The following TESC variants were observed in gnomAD, a reference collection of about 807,000 sequenced individuals.
The protein encoded by TESC is calcineurin B homologous protein 3.
In TESC, 19 loss-of-function variants were observed where a neutral mutation model predicts 31.0. The observed-to-expected ratio is 0.61, with a 90% CI of 0.43 to 0.90. TESC has a LOEUF of 0.90. Among genes scored for constraint, TESC ranks in the 40% least tolerant of loss-of-function variants. The pLI is 0.00. For missense variants in TESC, 248 were observed against 303.8 expected (o/e 0.82, Z 1.36); for synonymous variants, 109 against 114.8 (o/e 0.95, Z 0.32).
intron 6 of TESC, among the ~76,000 whole-genome samples, chr12:117,045,741 G>A (rs562289185): frequency 3.3e-5 from 5 of 152,332 alleles, no homozygotes; most frequent in African/African-American, 1.2e-4. Context: ...AAGCCGTCAG[G>A]GTGTCTAGAG....
chr12:117,047,777 T>C (rs1194684045), intron 4 of TESC, among the ~76,000 whole-genome samples: 2 of 152,064 alleles, frequency 1.3e-5, no homozygotes, highest in East Asian at 3.9e-4. Flanking sequence ...GGTCTCACTC[T>C]GTCGCACAGG....
At chr12:117,095,929 A>T (rs1178846443) in intron 1 of TESC, among the ~76,000 whole-genome samples, 1 of 152,078 alleles carries the variant, frequency 6.6e-6, no homozygotes, top group East Asian at 1.9e-4. Context: ...AGGCTTGGGG[A>T]TCCCATGATC....
intron 1 of TESC, among the ~76,000 whole-genome samples, chr12:117,092,367 G>A (rs1210334496): frequency 6.6e-6 from 1 of 152,216 alleles, no homozygotes; most frequent in Non-Finnish European, 1.5e-5. Flanking sequence ...TGAACAGAAT[G>A]AAAAATACCA....
chr12:117,059,510 C>T (rs1382886005), intron 2 of TESC, among the ~76,000 whole-genome samples: 1 of 151,742 alleles, frequency 6.6e-6, no homozygotes, highest in African/African-American at 2.4e-5. Context: ...TGTTATTTGG[C>T]CATGGAAAAA....
At chr12:117,074,740 C>T (rs1033604975) in intron 2 of TESC, among the ~76,000 whole-genome samples, 1 of 152,180 alleles carries the variant, frequency 6.6e-6, no homozygotes, top group African/African-American at 2.4e-5. Flanking sequence ...CATGGGGTGG[C>T]TGAAGAGCCC....
chr12:117,056,661 C>T, intron 3 of TESC, 145 bp downstream of exon 3: 1 of 827,750 alleles, frequency 1.2e-6, no homozygotes, highest in Non-Finnish European at 2.0e-6. Flanking sequence ...TGGTCCAACC[C>T]CAAACCTATG....
At chr12:117,044,327 C>G (rs1165917425) in intron 6 of TESC, among the ~76,000 whole-genome samples, 1 of 152,186 alleles carries the variant, frequency 6.6e-6, no homozygotes, top group Admixed American at 6.5e-5. Context: ...TCTCGGCTAG[C>G]CTGGGCCAGC....
intron 2 of TESC, among the ~76,000 whole-genome samples, chr12:117,059,975 G>A (rs925508961): frequency 1.3e-5 from 2 of 152,128 alleles, no homozygotes; most frequent in African/African-American, 4.8e-5. Context: ...CACAAATGGT[G>A]TACGATGCCA....
chr12:117,064,303 G>A (rs12227740), intron 2 of TESC, among the ~76,000 whole-genome samples: 2,026 of 152,312 alleles, frequency 0.013, 62 homozygotes, highest in South Asian at 0.12. Flanking sequence ...TTGTGCAAAT[G>A]TGCTAGGCAA....
intron 1 of TESC, among the ~76,000 whole-genome samples, chr12:117,098,205 T>C (rs1371490410): frequency 6.6e-6 from 1 of 152,210 alleles, no homozygotes; most frequent in African/African-American, 2.4e-5. Flanking sequence ...GAGCTAGCTC[T>C]TTCCCAAAAT....
chr12:117,078,818 C>T (rs1045111272), intron 1 of TESC, among the ~76,000 whole-genome samples: 1 of 152,126 alleles, frequency 6.6e-6, no homozygotes, highest in Non-Finnish European at 1.5e-5. Flanking sequence ...CTATATTTTC[C>T]CATTTTTCTC....
intron 1 of TESC, among the ~76,000 whole-genome samples, chr12:117,091,288 C>G (rs1955302772): frequency 6.6e-6 from 1 of 152,236 alleles, no homozygotes; most frequent in African/African-American, 2.4e-5. Flanking sequence ...CTTCCCAGAA[C>G]TGTGAGCCCT....
At chr12:117,071,078 C>G (rs1482692396) in intron 2 of TESC, among the ~76,000 whole-genome samples, 1 of 152,254 alleles carries the variant, frequency 6.6e-6, no homozygotes, top group African/African-American at 2.4e-5. Flanking sequence ...GCCAAGACCC[C>G]TGCTGAATTC....
intron 6 of TESC, among the ~76,000 whole-genome samples, chr12:117,043,212 C>T (rs1412295436): frequency 6.6e-6 from 1 of 151,886 alleles, no homozygotes; most frequent in Non-Finnish European, 1.5e-5. Flanking sequence ...GTTTTGCATA[C>T]ATCAAAAATA....
intron 1 of TESC, among the ~76,000 whole-genome samples, chr12:117,075,933 A>G (rs1415704881): frequency 2.7e-5 from 3 of 110,776 alleles, no homozygotes; most frequent in African/African-American, 4.3e-5. Context: ...GTATATATAT[A>G]TATATATGTA....
intron 7 of TESC, among the ~76,000 whole-genome samples, chr12:117,041,232 A>G (rs2135743117): frequency 6.6e-6 from 1 of 152,318 alleles, no homozygotes; most frequent in Admixed American, 6.5e-5. Context: ...ACAGCGAGGA[A>G]GGCCCGGGCG....
chr12:117,084,002 G>A (rs947267907), intron 1 of TESC: 3 of 151,708 alleles, frequency 2.0e-5, no homozygotes, highest in Non-Finnish European at 4.4e-5. Context: ...GCTGACGCAG[G>A]AGAATCGTTT....
intron 1 of TESC, among the ~76,000 whole-genome samples, chr12:117,078,679 T>C (rs886241406): frequency 6.6e-6 from 1 of 152,152 alleles, no homozygotes; most frequent in Non-Finnish European, 1.5e-5. Flanking sequence ...CTCTGTGTTG[T>C]GGAAAAGACA....
chr12:117,099,345 C>T lies in TESC; in HGVS notation c.-63G>A. On this transcript the variant is annotated 5_prime_UTR_variant, in exon 1 of 8. Coordinates refer to ENST00000335209, the MANE Select transcript of TESC (RefSeq NM_017899.4). ...TCAGGCCCCGCACTGGCTTCGGCTGCGCAGCGGCGGGACTGGCCTCGGGTC... is the reference window on the plus strand; with the variant it reads ...TCAGGCCCCGCACTGGCTTCGGCTGTGCAGCGGCGGGACTGGCCTCGGGTC... The T allele has an allele frequency of 7.4e-7, 1 of 1,347,026 alleles. No homozygotes were observed. The highest frequency in any genetic ancestry group is 1.7e-5 in the South Asian group (1 of 57,368). 83.4% of individuals were successfully genotyped at this position (1,347,026 alleles called of 1,614,324 possible).
Sources: gnomAD v4.1 joint callset for allele counts (sites outside exome capture counted in the v4.1 genomes callset) on GRCh38, gnomAD v4.1.1 for gene constraint, MANE v1.5 for transcripts, NCBI Gene and HGNC (gene_info 2026-07-23, HGNC 2026-07-21) for gene names.